PAK4: variants seen among roughly 807,000 people sequenced by gnomAD.
PAK4 encodes the protein p21 (RAC1) activated kinase 4, also known as serine/threonine-protein kinase PAK 4.
In PAK4, 49 loss-of-function variants were observed where a neutral mutation model predicts 53.5. The ratio of observed to expected loss-of-function variants is 0.92; its 90% CI spans 0.73 to 1.16. PAK4 has a LOEUF of 1.16. PAK4 is among the 50% of genes most tolerant of loss of function. The pLI, the probability that PAK4 is intolerant of heterozygous loss-of-function variation, is 0.00. For synonymous variants in PAK4, 376 were observed against 375.6 expected, an observed-to-expected ratio of 1.00 and a Z score of -0.01; for missense variants, 824 against 850.7, an observed-to-expected ratio of 0.97 and a Z score of 0.39.
rs2074578200 is a variant in PAK4 at position 39,175,198 on chromosome 19, CCA to C, written c.1233-113_1233-112del. The C allele has an allele frequency of 2.7e-6, 4 of 1,484,078 alleles. No homozygotes were observed. In the South Asian group the frequency reaches 3.8e-5, roughly 14 times the overall value. The allele number at this position is 1,484,078 out of a possible 1,614,324, so 91.9% of individuals were successfully genotyped here. On this transcript the variant is annotated intron_variant, in intron 5 of 8. Coordinates refer to ENST00000358301, the Ensembl canonical transcript of PAK4. This position sits in a 1 kb window ranked among gnomAD's most constrained non-coding sequence, Gnocchi z 4.7. ...GGTCGTGTCTTCCATTCCTCCCACT[CCA>C]GAGTGGGGTCGAGTGGTCTCAGATT...
Position 39,175,135 on chromosome 19 carries a change from C to T in PAK4, c.1232+71C>T, listed in dbSNP as rs1404014304. The T allele has an allele frequency of 1.3e-6, 2 of 1,541,018 alleles. No individual in the cohort carries two copies. The highest frequency in any genetic ancestry group is 1.8e-6 in the Non-Finnish European group (2 of 1,135,998). On this transcript the variant is annotated intron_variant, in intron 5 of 8. Transcript: ENST00000358301. The surrounding 1 kb of genome is among the most constrained non-coding windows in gnomAD (Gnocchi z 4.7). Reference sequence around the variant, plus strand: ...CTCCAGACCACTAGGGGTGGGGCCACATCTCCAAACCAGCTGTGCTCCGGG... The same window carrying T: ...CTCCAGACCACTAGGGGTGGGGCCATATCTCCAAACCAGCTGTGCTCCGGG...
At chr19:39,136,224 C>T (rs1219348331) in intron 1 of PAK4, among the ~76,000 whole-genome samples, 4 of 150,898 alleles carry the variant, frequency 2.7e-5, no homozygotes, top group Non-Finnish European at 5.9e-5. Context: ...CTGCTCCCTT[C>T]TCCCCCACTG....
At chr19:39,154,788 C>T (rs779838806) in intron 1 of PAK4, among the ~76,000 whole-genome samples, 2 of 152,052 alleles carry the variant, frequency 1.3e-5, no homozygotes, top group African/African-American at 2.4e-5. Context: ...GGTGGTTACT[C>T]GACAAATGCC....
chr19:39,138,718 C>T (rs979518288), intron 1 of PAK4, among the ~76,000 whole-genome samples: 2 of 152,194 alleles, frequency 1.3e-5, no homozygotes, highest in East Asian at 1.9e-4. Flanking sequence ...TGGCGGAGGG[C>T]GGGCAGGGTG....
intron 1 of PAK4, among the ~76,000 whole-genome samples, chr19:39,145,139 A>T (rs73930299): frequency 6.6e-6 from 1 of 152,082 alleles, no homozygotes; most frequent in Admixed American, 6.6e-5. Flanking sequence ...GAAAGATTTC[A>T]GACACCCCCA....
chr19:39,170,996 G>C (rs1187898613), intron 2 of PAK4, among the ~76,000 whole-genome samples: 1 of 152,186 alleles, frequency 6.6e-6, no homozygotes, highest in Non-Finnish European at 1.5e-5. Flanking sequence ...TTGCATGTAG[G>C]CTTTGCCCCC....
At chr19:39,132,323 C>T (rs939811446) in intron 1 of PAK4, among the ~76,000 whole-genome samples, 1 of 152,208 alleles carries the variant, frequency 6.6e-6, no homozygotes, top group Non-Finnish European at 1.5e-5. Flanking sequence ...ATCTCTTTCC[C>T]ACCCGCCTGC....
chr19:39,172,948 G>A, exon 3 of PAK4: 2 of 1,543,514 alleles, frequency 1.3e-6, no homozygotes, highest in Non-Finnish European at 1.8e-6. Flanking sequence ...AGGTGCCAAA[G>A]ATGGGGCCCT....
intron 1 of PAK4, among the ~76,000 whole-genome samples, chr19:39,136,762 A>C (rs1327783817): frequency 6.6e-6 from 1 of 152,030 alleles, no homozygotes; most frequent in East Asian, 1.9e-4. Flanking sequence ...TGGTTGACTG[A>C]CTGACTGACT....
At chr19:39,127,256 T>A (rs1373457492) in intron 1 of PAK4, among the ~76,000 whole-genome samples, 1 of 151,898 alleles carries the variant, frequency 6.6e-6, no homozygotes. Flanking sequence ...CCACCTCACT[T>A]CTTATGGCTC....
In PAK4 at chr19:39,173,231, C is replaced by A; in HGVS notation, c.518C>A (p.Ser173Tyr). ...GAGGGCTCAGGGGGTCCCCAGGAGT[C>A]CTCCCGGGACAAACGCCCCCTCTCC... is the stretch of plus-strand genomic sequence containing the variant. The change falls in exon 3 of 9, where the codon TCC becomes TAC. Residue 173 changes from serine (S) to tyrosine (Y), a missense_variant. By Grantham distance (144) the Ser-to-Tyr change is moderately radical. This residue lies in a region of PAK4 where 478 missense variants were observed against 435.8 expected (regional missense o/e 1.10). Transcript: ENST00000358301. This position sits in a 1 kb window ranked among gnomAD's most constrained non-coding sequence, Gnocchi z 6.9. 1 of 1,569,958 alleles carries A rather than the reference C, an allele frequency of 6.4e-7. No individual in the cohort carries two copies. The highest frequency in any genetic ancestry group is 8.6e-7 in the Non-Finnish European group (1 of 1,157,692).
At chr19:39,131,543 T>G (rs949033462) in intron 1 of PAK4, among the ~76,000 whole-genome samples, 14 of 152,062 alleles carry the variant, frequency 9.2e-5, no homozygotes, top group Admixed American at 3.9e-4. Context: ...TAGTCACCCA[T>G]CCGGGGCCAA....
At chr19:39,167,636 C>T (rs1015832402) in intron 1 of PAK4, among the ~76,000 whole-genome samples, 5 of 152,296 alleles carry the variant, frequency 3.3e-5, no homozygotes, top group South Asian at 2.1e-4. Context: ...TCTGACCACC[C>T]GCTGGCCTCT....
At chr19:39,160,979 G>T (rs2074274539) in intron 1 of PAK4, among the ~76,000 whole-genome samples, 1 of 152,224 alleles carries the variant, frequency 6.6e-6, no homozygotes, top group South Asian at 2.1e-4. Context: ...GGACAGAGTG[G>T]CTGCTTTTGT....
intron 1 of PAK4, among the ~76,000 whole-genome samples, chr19:39,160,333 G>C (rs1359599440): frequency 6.6e-6 from 1 of 151,096 alleles, no homozygotes; most frequent in African/African-American, 2.4e-5. Flanking sequence ...CTGTGTTCCA[G>C]CCACTGCTCT....
intron 2 of PAK4, among the ~76,000 whole-genome samples, chr19:39,172,037 GCAGGCAGGGCAGGGGC>G (rs2074489900): frequency 6.6e-6 from 1 of 152,246 alleles, no homozygotes; most frequent in South Asian, 2.1e-4. Context: ...TAGGTAGAAT[GCAGGCAGGGCAGGGGC>G]CGGGGAGGGC....
At chr19:39,148,434 C>A (rs1259820686) in intron 1 of PAK4, among the ~76,000 whole-genome samples, 1 of 139,834 alleles carries the variant, frequency 7.2e-6, no homozygotes, top group Admixed American at 7.5e-5. Flanking sequence ...GAACCCTGTG[C>A]CCTGTCTTAG....
In PAK4 at chr19:39,173,577, G is replaced by A. The variant is rs963375375; in HGVS notation, c.665G>A (p.Gly222Glu). 5 of 1,519,788 alleles carry A rather than the reference G, an allele frequency of 3.3e-6. No individual in the cohort carries two copies. Among genetic ancestry groups the A allele is most frequent in the Non-Finnish European group, 4.4e-6 (5 of 1,135,416 alleles). The allele number at this position is 1,519,788 out of a possible 1,614,324, so 94.1% of individuals were successfully genotyped here. ...ACAGCTACCTCTCTTCTGTTTCAGG[G>A]GGAGCCTCATGACGTGGCCCCTAAC... Residue 222 changes from glycine to glutamate, a missense_variant and splice_region_variant, in exon 4 of 9, where the codon GGG becomes GAG. By Grantham distance (98) the Gly-to-Glu change is moderately conservative. Coordinates refer to ENST00000358301, the Ensembl canonical transcript of PAK4. The surrounding 1 kb of genome is among the most constrained non-coding windows in gnomAD (Gnocchi z 6.9).
downstream of PAK4, chr19:39,180,741 G>T (rs942346195): frequency 6.6e-6 from 1 of 152,228 alleles, no homozygotes; most frequent in African/African-American, 2.4e-5. Context: ...ACCATGCCTG[G>T]CCTCAAATGA....
Sources: gnomAD v4.1 joint callset for allele counts (sites outside exome capture counted in the v4.1 genomes callset) on GRCh38, gnomAD v4.1.1 for gene constraint, gnomAD v4.1.1 regional missense constraint, Gnocchi (gnomAD v3.1) non-coding constraint, MANE v1.5 for transcripts, NCBI Gene and HGNC (gene_info 2026-07-23, HGNC 2026-07-21) for gene names.